Variants in MTA1 observed in about 807,000 individuals in gnomAD.
MTA1 encodes the protein metastasis-associated protein MTA1.
Under a neutral mutation model 97.0 loss-of-function variants are expected in MTA1, and 15 were observed. The ratio of observed to expected loss-of-function variants is 0.15; its 90% CI spans 0.10 to 0.24. MTA1 has a LOEUF of 0.24. Among genes scored for constraint, MTA1 ranks in the 10% least tolerant of loss-of-function variants. MTA1 has a pLI of 1.00. For synonymous variants in MTA1, 435 were observed against 417.5 expected (o/e 1.04, Z -0.51); for missense variants, 709 against 1,015.1 (o/e 0.70, Z 4.10).
chr14:105,444,993 G>A lies in MTA1; in HGVS notation c.97-425G>A, dbSNP rs146973637. Among the ~76,000 whole-genome samples, 1,443 of 152,222 alleles carry A rather than the reference G, an allele frequency of 9.5e-3. 5 individuals are homozygous for A. The highest frequency in any genetic ancestry group is 0.015 in the Non-Finnish European group (1,052 of 67,990). ...CCAGGTGGGAGGGCTGGTCCCATGC[G>A]GGGGGTCCAGGCTGCGTCCGCCGCT... On this transcript the variant is annotated intron_variant, in intron 2 of 20. Coordinates refer to ENST00000331320, the MANE Select transcript of MTA1 (RefSeq NM_004689.4).
At chr14:105,426,731 T>G (rs909430930) in intron 1 of MTA1, among the ~76,000 whole-genome samples, 22 of 152,274 alleles carry the variant, frequency 1.4e-4, no homozygotes, top group African/African-American at 5.3e-4. Context: ...TCTTGGACTT[T>G]GTGGGGACAG....
intron 1 of MTA1, among the ~76,000 whole-genome samples, chr14:105,433,834 A>T (rs7144639): frequency 0.066 from 10,019 of 152,116 alleles, 1,074 homozygotes; most frequent in African/African-American, 0.23. Context: ...TCAGCTTTTT[A>T]AAAAAATTTT....
chr14:105,444,208 C>T (rs2082637853), intron 2 of MTA1, among the ~76,000 whole-genome samples: 1 of 151,564 alleles, frequency 6.6e-6, no homozygotes, highest in Non-Finnish European at 1.5e-5. Flanking sequence ...CCAGTCTCTA[C>T]TAAAAAATAC....
chr14:105,468,578 G>C (rs1172963898), intron 18 of MTA1, among the ~76,000 whole-genome samples: 1 of 152,208 alleles, frequency 6.6e-6, no homozygotes, highest in Non-Finnish European at 1.5e-5. Context: ...GCAACTGCAG[G>C]TGGGGAGGGG....
rs1018170046 is a variant in MTA1, at chr14:105,468,328, G to T, written c.1814-1139G>T. On this transcript the variant is annotated intron_variant, in intron 18 of 20. Transcript: ENST00000331320. ...GTGTTTCTTCCCTCTGCTGTCCACCGCTCTGGTAGGCACTTACCTGGGTAA... is the reference window on the plus strand; with the variant it reads ...GTGTTTCTTCCCTCTGCTGTCCACCTCTCTGGTAGGCACTTACCTGGGTAA... 5 of 1,304,226 alleles carry T rather than the reference G, an allele frequency of 3.8e-6. No individual in the cohort carries two copies. The African/African-American group carries it at 7.6e-5, about 20-fold the overall frequency. The allele number at this position is 1,304,226 out of a possible 1,614,324, so 80.8% of individuals were successfully genotyped here.
chr14:105,457,011 G>A (rs2083179212), intron 7 of MTA1, among the ~76,000 whole-genome samples: 1 of 152,242 alleles, frequency 6.6e-6, no homozygotes, highest in Non-Finnish European at 1.5e-5. Flanking sequence ...ATTTTCTTGG[G>A]GACTTTCTAG....
At chr14:105,446,895 C>T (rs2082735360) in intron 3 of MTA1, among the ~76,000 whole-genome samples, 1 of 152,200 alleles carries the variant, frequency 6.6e-6, no homozygotes, top group Admixed American at 6.5e-5. Context: ...CCTCCTAGCT[C>T]TCTGCTCAGA....
intron 6 of MTA1, among the ~76,000 whole-genome samples, chr14:105,451,835 G>A (rs1197792499): frequency 7.5e-6 from 1 of 133,200 alleles, no homozygotes; most frequent in Non-Finnish European, 1.5e-5. Flanking sequence ...TTGTTGCCCA[G>A]GCTGGAGTAC....
chr14:105,436,638 G>A (rs976555828), intron 1 of MTA1, among the ~76,000 whole-genome samples: 1 of 152,078 alleles, frequency 6.6e-6, no homozygotes, highest in Admixed American at 6.5e-5. Context: ...CTGCCAGGGG[G>A]CTTCACTCCT....
intron 2 of MTA1, among the ~76,000 whole-genome samples, chr14:105,442,316 T>A (rs1298090276): frequency 2.0e-5 from 3 of 152,192 alleles, no homozygotes; most frequent in Non-Finnish European, 4.4e-5. Flanking sequence ...GACTGAGGCC[T>A]TGGAGTGCAC....
chr14:105,425,582 A>C (rs1236047221), intron 1 of MTA1, among the ~76,000 whole-genome samples: 1 of 152,142 alleles, frequency 6.6e-6, no homozygotes, highest in African/African-American at 2.4e-5. Flanking sequence ...TGCCCGGCAG[A>C]GCATTTAATA....
At position 105,424,564 on chromosome 14, in the gene MTA1, C is replaced by T. The variant is rs782335070; in HGVS notation, c.28+4501C>T. Among the ~76,000 whole-genome samples, 5 of 150,980 alleles carry T rather than the reference C, an allele frequency of 3.3e-5. No individual in the cohort carries two copies. Among genetic ancestry groups the T allele is most frequent in the Admixed American group, 6.6e-5 (1 of 15,128 alleles). On this transcript the variant is annotated intron_variant, in intron 1 of 20. Transcript: ENST00000331320. The surrounding 1 kb of genome is among the most constrained non-coding windows in gnomAD (Gnocchi z 4.0). The stretch of plus-strand genomic sequence containing the variant: ...AGGCTGGAGTGCAGTGGCACAATCG[C>T]GGCTCACTGCAACCTCCGCCTCCTG...
At chr14:105,461,969 C>T (rs587618965) in intron 10 of MTA1, among the ~76,000 whole-genome samples, 39 of 152,368 alleles carry the variant, frequency 2.6e-4, no homozygotes, top group African/African-American at 9.1e-4. Context: ...ACAAAATTCA[C>T]CAACTAGGCT....
At chr14:105,447,906 G>A (rs1447881702) in intron 3 of MTA1, among the ~76,000 whole-genome samples, 1 of 152,160 alleles carries the variant, frequency 6.6e-6, no homozygotes, top group African/African-American at 2.4e-5. Flanking sequence ...CTGATCCCAG[G>A]GACAGGTGTG....
At chr14:105,445,698 G>A (rs2082695373) in intron 3 of MTA1, 187 bp downstream of exon 3, 2 of 716,538 alleles carry the variant, frequency 2.8e-6, no homozygotes, top group Non-Finnish European at 5.1e-6. Context: ...CGTTTCCTCG[G>A]GGGCTGGGTG....
intron 2 of MTA1, among the ~76,000 whole-genome samples, chr14:105,441,305 C>T (rs6576094): frequency 0.82 from 124,343 of 152,102 alleles, 53,009 homozygotes; most frequent in Non-Finnish European, 0.93. Context: ...ACCCTAGCGG[C>T]CAGACTTCTA....
At chr14:105,468,268 C>A (rs2083680663) in intron 18 of MTA1, 1 of 1,289,628 alleles carries the variant, frequency 7.8e-7, no homozygotes, top group Non-Finnish European at 1.0e-6. Context: ...GCGGGGCCTG[C>A]AGATGGCTGC....
intron 6 of MTA1, among the ~76,000 whole-genome samples, chr14:105,450,877 G>A (rs1047313908): frequency 5.3e-5 from 8 of 152,214 alleles, no homozygotes; most frequent in Non-Finnish European, 8.8e-5. Flanking sequence ...GACGGAGAGC[G>A]GTGGCACTGA....
At chr14:105,458,229 G>T in intron 7 of MTA1, 41 bp from the exon 8 acceptor site, 1 of 1,580,448 alleles carries the variant, frequency 6.3e-7, no homozygotes, top group Non-Finnish European at 8.7e-7. Context: ...CCGGCGCGCC[G>T]TGGGACCCCG....
Sources: allele counts gnomAD v4.1 joint callset (sites outside exome capture counted in the v4.1 genomes callset), GRCh38; gene constraint gnomAD v4.1.1; non-coding constraint Gnocchi (gnomAD v3.1); transcripts MANE v1.5; gene names NCBI Gene and HGNC (gene_info 2026-07-23, HGNC 2026-07-21).